SH3RF1: variants seen among roughly 807,000 people sequenced by gnomAD.
SH3RF1 encodes the protein SH3 domain containing ring finger 1, also known as E3 ubiquitin-protein ligase SH3RF1.
In SH3RF1, 32 loss-of-function variants were observed where a neutral mutation model predicts 74.0. That is an observed-to-expected ratio of 0.43 (90% CI 0.33 to 0.58). The LOEUF is 0.58. Among genes scored for constraint, SH3RF1 ranks in the 20% least tolerant of loss-of-function variants. SH3RF1 has a pLI of 0.05. For synonymous variants in SH3RF1, 396 were observed against 439.6 expected, an observed-to-expected ratio of 0.90 and a Z score of 1.24; for missense variants, 954 against 1,130.9, an observed-to-expected ratio of 0.84 and a Z score of 2.24.
intron 2 of SH3RF1, among the ~76,000 whole-genome samples, chr4:169,254,445 A>G (rs957586769): frequency 1.3e-5 from 2 of 152,238 alleles, no homozygotes; most frequent in Non-Finnish European, 1.5e-5. Context: ...AGGTATCCAT[A>G]TGATCACAAA....
intron 2 of SH3RF1, among the ~76,000 whole-genome samples, chr4:169,165,920 T>C (rs1390591655): frequency 6.6e-6 from 1 of 152,156 alleles, no homozygotes; most frequent in Non-Finnish European, 1.5e-5. Flanking sequence ...TAGATGGGGA[T>C]GAATCTTGAG....
intron 2 of SH3RF1, among the ~76,000 whole-genome samples, chr4:169,188,469 T>C (rs4692697): frequency 0.49 from 74,215 of 152,006 alleles, 18,929 homozygotes; most frequent in East Asian, 0.78. Context: ...AACCTAACTG[T>C]AAAACCGAAA....
intron 2 of SH3RF1, among the ~76,000 whole-genome samples, chr4:169,250,346 AT>A (rs1033737121): frequency 5.9e-5 from 9 of 152,022 alleles, no homozygotes; most frequent in African/African-American, 2.2e-4. Flanking sequence ...CGGCAAGATT[AT>A]TTTTTAAATC....
At chr4:169,248,847 T>C (rs1731050735) in intron 2 of SH3RF1, among the ~76,000 whole-genome samples, 1 of 152,150 alleles carries the variant, frequency 6.6e-6, no homozygotes, top group Non-Finnish European at 1.5e-5. Context: ...AACATTGTTT[T>C]TGGTGATTCC....
rs1441931966 is a variant in SH3RF1 at position 169,125,811 on chromosome 4, T to C, written c.1180-3545A>G. Among the ~76,000 whole-genome samples, 3 of 152,244 alleles carry C rather than the reference T, an allele frequency of 2.0e-5. No individual in the cohort carries two copies. In the East Asian group the frequency reaches 5.8e-4, roughly 29 times the overall value. ...AGTCCTTGTGTGTACTGAACTCAGA[T>C]GCATGAATACTGGTTGATGAGGGAA... On this transcript the variant is annotated intron_variant, in intron 6 of 11. Coordinates refer to ENST00000284637, the MANE Select transcript of SH3RF1 (RefSeq NM_020870.4).
intron 10 of SH3RF1, among the ~76,000 whole-genome samples, chr4:169,112,897 C>G (rs1733264651): frequency 6.6e-6 from 1 of 152,142 alleles, no homozygotes; most frequent in Non-Finnish European, 1.5e-5. Flanking sequence ...GGATAATCTT[C>G]AGACTGGAGG....
intron 2 of SH3RF1, among the ~76,000 whole-genome samples, chr4:169,250,653 G>A (rs1029505202): frequency 3.3e-5 from 5 of 152,178 alleles, no homozygotes; most frequent in African/African-American, 1.2e-4. Context: ...CAAAGTCCTG[G>A]TTCTCATGGA....
chr4:169,253,537 T>A (rs1731137334), intron 2 of SH3RF1, among the ~76,000 whole-genome samples: 1 of 152,206 alleles, frequency 6.6e-6, no homozygotes, highest in African/African-American at 2.4e-5. Context: ...TTTTCTTCCC[T>A]CTTTCCGCTC....
intron 2 of SH3RF1, among the ~76,000 whole-genome samples, chr4:169,201,096 G>GA (rs1734899985): frequency 3.3e-5 from 5 of 151,778 alleles, no homozygotes; most frequent in East Asian, 1.9e-4. Flanking sequence ...CTGGCAATTT[G>GA]AAAAAAACCT....
intron 2 of SH3RF1, among the ~76,000 whole-genome samples, chr4:169,195,272 A>T: frequency 6.6e-6 from 1 of 152,210 alleles, no homozygotes; most frequent in Non-Finnish European, 1.5e-5. Flanking sequence ...TTCTTCTAAG[A>T]AGTCAGCTAC....
At chr4:169,269,345 G>A in intron 1 of SH3RF1, 38 bp from the exon 2 acceptor site, 1 of 952,298 alleles carries the variant, frequency 1.1e-6, no homozygotes, top group Non-Finnish European at 1.5e-6. Context: ...GAGAACATGA[G>A]TGTTGTTATC....
chr4:169,248,594 T>C (rs956391708), intron 2 of SH3RF1, among the ~76,000 whole-genome samples: 2 of 152,094 alleles, frequency 1.3e-5, no homozygotes, highest in Admixed American at 6.5e-5. Context: ...CCATGGCACA[T>C]GTATATCTAT....
At chr4:169,170,292 A>G (rs1356180337) in intron 2 of SH3RF1, among the ~76,000 whole-genome samples, 1 of 152,210 alleles carries the variant, frequency 6.6e-6, no homozygotes, top group Non-Finnish European at 1.5e-5. Context: ...CTAGGTGATT[A>G]AATAAATAGC....
In SH3RF1 at chr4:169,107,130, A is replaced by T; in HGVS notation, c.2215T>A (p.Ser739Thr). The T allele has an allele frequency of 6.2e-7, 1 of 1,609,496 alleles. No individual in the cohort carries two copies. The highest frequency in any genetic ancestry group is 8.5e-7 in the Non-Finnish European group (1 of 1,176,998). The change falls in exon 11 of 12, where the codon TCG (serine) becomes ACG (threonine). Residue 739 changes from serine to threonine, a missense_variant. Physicochemically the swap from Ser to Thr is moderately conservative, Grantham distance 58. Coordinates refer to ENST00000284637, the MANE Select transcript of SH3RF1 (RefSeq NM_020870.4). ...KRKPRVSPPASPTLEVELGSA... is the reference protein window; with the variant it reads ...KRKPRVSPPATPTLEVELGSA... The stretch of plus-strand genomic sequence containing the variant: ...CCCAGCTCCACTTCTAGGGTGGGCG[A>T]TGCTGGAGGAGACACGCGGGGCTTC...
Position 169,156,433 on chromosome 4 carries a change from C to T in SH3RF1, c.640G>A (p.Ala214Thr). 1.3e-6 allele frequency: 2 copies of T among 1,597,734 alleles called. No homozygotes were observed. The highest frequency in any genetic ancestry group is 1.7e-6 in the Non-Finnish European group (2 of 1,168,864). The change falls in exon 3 of 12, where the codon GCA (alanine) becomes ACA (threonine). Residue 214 changes from alanine to threonine, a missense_variant. This residue lies in a region of SH3RF1 where 854 missense variants were observed against 962.5 expected (regional missense o/e 0.89). Coordinates refer to ENST00000284637, the MANE Select transcript of SH3RF1 (RefSeq NM_020870.4). ...LYDFEVKDKE[A>T]DKDCLPFAKD... is the part of the protein sequence containing the mutation. ...GCAAATGGAAGGCAATCTTTGTCTG[C>T]TTCCTTGTCTTTCACTTCAAAGTCA...
chr4:169,186,210 G>A (rs771948625), intron 2 of SH3RF1, among the ~76,000 whole-genome samples: 7 of 152,160 alleles, frequency 4.6e-5, no homozygotes, highest in Admixed American at 6.5e-5. Flanking sequence ...GTAGCTTTAA[G>A]GAGAGTGGTA....
intron 8 of SH3RF1, among the ~76,000 whole-genome samples, chr4:169,120,173 A>G (rs1282295780): frequency 6.6e-6 from 1 of 152,204 alleles, no homozygotes; most frequent in African/African-American, 2.4e-5. Context: ...GGATATTGTC[A>G]AATGTTCCCT....
chr4:169,269,222 C>T lies in SH3RF1; in HGVS notation c.-10G>A, dbSNP rs1298004560. ...AGGCTGATTCATCCATCTTTATCTA[C>T]TTTACTGAGAAAAAATCTTCAGAAA... On this transcript the variant is annotated 5_prime_UTR_variant, in exon 2 of 12. Coordinates refer to ENST00000284637, the MANE Select transcript of SH3RF1 (RefSeq NM_020870.4). The T allele has an allele frequency of 6.5e-7, 1 of 1,546,318 alleles. No homozygotes were observed. The highest frequency in any genetic ancestry group is 2.3e-5 in the East Asian group (1 of 44,364).
chr4:169,226,223 G>A (rs1056528164), intron 2 of SH3RF1, among the ~76,000 whole-genome samples: 2 of 152,094 alleles, frequency 1.3e-5, no homozygotes, highest in African/African-American at 2.4e-5. Flanking sequence ...GAACCCCCCA[G>A]ACAATGCAAA....
Sources: gnomAD v4.1 joint callset for allele counts (sites outside exome capture counted in the v4.1 genomes callset) on GRCh38, gnomAD v4.1.1 for gene constraint, gnomAD v4.1.1 regional missense constraint, MANE v1.5 for transcripts, NCBI Gene and HGNC (gene_info 2026-07-23, HGNC 2026-07-21) for gene names.